Variants in ME3 observed in about 807,000 individuals in gnomAD.
The protein encoded by ME3 is NADP-dependent malic enzyme, mitochondrial.
In ME3, 48 loss-of-function variants were observed where a neutral mutation model predicts 68.9. The observed-to-expected ratio is 0.70, with a 90% CI of 0.55 to 0.89. The LOEUF (loss-of-function observed/expected upper bound fraction) is 0.89. ME3 is among the 40% of genes least tolerant of loss of function. The pLI is 0.00. For missense variants in ME3, 675 were observed against 797.4 expected (o/e 0.85, Z 1.85); for synonymous variants, 320 against 318.8 (o/e 1.00, Z -0.04).
chr11:86,667,185 A>G (rs1946639394), intron 2 of ME3, among the ~76,000 whole-genome samples: 2 of 152,198 alleles, frequency 1.3e-5, no homozygotes, highest in Non-Finnish European at 2.9e-5. Context: ...GTCCATAATC[A>G]CAGTGACTTG....
intron 8 of ME3, among the ~76,000 whole-genome samples, chr11:86,457,038 C>T (rs965334094): frequency 1.3e-5 from 2 of 152,178 alleles, no homozygotes; most frequent in Non-Finnish European, 1.5e-5. Context: ...CTTGCTTTTC[C>T]CCCTGTTACC....
At chr11:86,574,400 G>A (rs182541945) in intron 2 of ME3, among the ~76,000 whole-genome samples, 12,526 of 47,248 alleles carry the variant, frequency 0.27, 1,237 homozygotes, top group Middle Eastern at 0.51. Flanking sequence ...TTGTTGCCGG[G>A]GGGGGGGGGG....
chr11:86,464,133 A>G (rs1297291608), intron 8 of ME3: 2 of 449,954 alleles, frequency 4.4e-6, no homozygotes, highest in Admixed American at 4.9e-5. Flanking sequence ...AGTCATCTGC[A>G]AAATGAGAAG....
At chr11:86,671,669 CG>C (rs754524770) in intron 2 of ME3, 92 bp downstream of exon 2, 66 of 1,498,138 alleles carry the variant, frequency 4.4e-5, no homozygotes, top group Non-Finnish European at 5.9e-5. Flanking sequence ...GAAGGGCGCC[CG>C]GGAGGATCCT....
chr11:86,440,931 A>G (rs1948963131), downstream of ME3, among the ~76,000 whole-genome samples: 5 of 152,058 alleles, frequency 3.3e-5, no homozygotes, highest in South Asian at 1.0e-3. Context: ...TTTCTCCCTT[A>G]TGGCAAAATG....
chr11:86,664,422 T>C (rs1448945566), intron 2 of ME3, among the ~76,000 whole-genome samples: 1 of 152,220 alleles, frequency 6.6e-6, no homozygotes, highest in Non-Finnish European at 1.5e-5. Context: ...AAATGCTTAC[T>C]TAACACGATA....
intron 3 of ME3, among the ~76,000 whole-genome samples, chr11:86,557,448 A>G (rs1956989374): frequency 6.6e-6 from 1 of 152,214 alleles, no homozygotes; most frequent in Non-Finnish European, 1.5e-5. Flanking sequence ...ATACCAAGGT[A>G]CTTGATGCTC....
intron 4 of ME3, among the ~76,000 whole-genome samples, chr11:86,520,497 T>C (rs1954193520): frequency 6.6e-6 from 1 of 151,718 alleles, no homozygotes; most frequent in Non-Finnish European, 1.5e-5. Context: ...AACAGAAACA[T>C]TATTTGAAGA....
chr11:86,551,254 C>G (rs1956666990), intron 4 of ME3, among the ~76,000 whole-genome samples: 1 of 152,050 alleles, frequency 6.6e-6, no homozygotes. Context: ...ATAATGATGC[C>G]ACAAGGTGGA....
chr11:86,471,732 G>A (rs1365281638), intron 7 of ME3, among the ~76,000 whole-genome samples: 2 of 152,212 alleles, frequency 1.3e-5, no homozygotes, highest in African/African-American at 4.8e-5. Context: ...AAGAGGCTAA[G>A]GTGGGAAGAC....
At chr11:86,636,293 A>G (rs1944331000) in intron 2 of ME3, among the ~76,000 whole-genome samples, 1 of 150,930 alleles carries the variant, frequency 6.6e-6, no homozygotes, top group Non-Finnish European at 1.5e-5. Flanking sequence ...GTTTTAATCT[A>G]TATGAGACTA....
chr11:86,633,242 A>C (rs746627998), intron 2 of ME3, among the ~76,000 whole-genome samples: 6 of 152,246 alleles, frequency 3.9e-5, no homozygotes, highest in Non-Finnish European at 7.3e-5. Context: ...GCACAGTGAC[A>C]GACTGACATT....
At chr11:86,534,085 A>G (rs57957951) in intron 4 of ME3, among the ~76,000 whole-genome samples, 49 of 8,886 alleles carry the variant, frequency 5.5e-3, no homozygotes, top group Non-Finnish European at 8.4e-3. Context: ...GTGTGTGTAT[A>G]TATATATATA....
At chr11:86,453,400 T>A (rs1320434489) in intron 8 of ME3, among the ~76,000 whole-genome samples, 1 of 152,214 alleles carries the variant, frequency 6.6e-6, no homozygotes, top group Non-Finnish European at 1.5e-5. Flanking sequence ...GGTAATTGTT[T>A]ATTAGCTTCT....
intron 6 of ME3, among the ~76,000 whole-genome samples, chr11:86,488,556 C>G (rs1374738044): frequency 6.6e-6 from 1 of 152,196 alleles, no homozygotes; most frequent in Non-Finnish European, 1.5e-5. Flanking sequence ...CCCCTCCACC[C>G]CACCTCCTGC....
At chr11:86,450,425 C>T (rs201704528) in intron 8 of ME3, 27 bp from the exon 9 acceptor site, 98 of 1,599,656 alleles carry the variant, frequency 6.1e-5, no homozygotes, top group Non-Finnish European at 8.0e-5. Context: ...TGAGATCAAC[C>T]TCTGGCCACA....
At chr11:86,481,196 C>G (rs947270842) in intron 7 of ME3, among the ~76,000 whole-genome samples, 2 of 148,574 alleles carry the variant, frequency 1.3e-5, no homozygotes, top group Non-Finnish European at 3.0e-5. Context: ...CGAGTGCCAC[C>G]ACACCCAGCT....
chr11:86,484,893 A>T (rs1000542820), intron 7 of ME3, among the ~76,000 whole-genome samples: 1 of 152,178 alleles, frequency 6.6e-6, no homozygotes, highest in African/African-American at 2.4e-5. Context: ...TCTTGCATAA[A>T]ATGGGAATAA....
chr11:86,466,256 G>A (rs530441089), intron 7 of ME3, among the ~76,000 whole-genome samples: 20 of 152,260 alleles, frequency 1.3e-4, no homozygotes, highest in Admixed American at 1.3e-3. Flanking sequence ...TTTTGTTTGT[G>A]TCTTTAGCCT....
Sources: allele counts gnomAD v4.1 joint callset (sites outside exome capture counted in the v4.1 genomes callset), GRCh38; gene constraint gnomAD v4.1.1; transcripts MANE v1.5; gene names NCBI Gene and HGNC (gene_info 2026-07-23, HGNC 2026-07-21).